The following RYK variants were observed in gnomAD, a reference collection of about 807,000 sequenced individuals.
RYK encodes inactive tyrosine-protein kinase RYK.
In RYK, 21 loss-of-function variants were observed where a neutral mutation model predicts 70.2. That is an observed-to-expected ratio of 0.30 (90% CI 0.21 to 0.43). The LOEUF (loss-of-function observed/expected upper bound fraction) is 0.43. Ranked by LOEUF, RYK falls within the 20% of genes least tolerant of loss-of-function variation. The probability of loss-of-function intolerance (pLI) is 1.00; values close to 1 mark genes in which losing one functional copy is unlikely to be tolerated. For synonymous variants in RYK, 267 were observed against 278.0 expected (o/e 0.96, Z 0.39); for missense variants, 604 against 753.3 (o/e 0.80, Z 2.32).
intron 6 of RYK, among the ~76,000 whole-genome samples, chr3:134,200,966 G>A (rs1415232739): frequency 6.6e-6 from 1 of 152,218 alleles, no homozygotes; most frequent in African/African-American, 2.4e-5. Flanking sequence ...CATGGAATCT[G>A]AAAGTTATTG....
intron 9 of RYK, among the ~76,000 whole-genome samples, chr3:134,183,850 A>C (rs2013379412): frequency 1.3e-5 from 2 of 152,244 alleles, no homozygotes; most frequent in African/African-American, 2.4e-5. Flanking sequence ...ACTTTTGAAA[A>C]ATGAGATATG....
intron 7 of RYK, among the ~76,000 whole-genome samples, chr3:134,194,118 T>C (rs1292936659): frequency 4.6e-5 from 7 of 152,198 alleles, no homozygotes; most frequent in Non-Finnish European, 1.0e-4. Context: ...GATTTTCTAA[T>C]TATATAATTT....
chr3:134,211,861 G>C lies in RYK; in HGVS notation c.355-254C>G, dbSNP rs148062274. Among the ~76,000 whole-genome samples the C allele has an allele frequency of 3.9e-3, 599 of 152,228 alleles. 2 individuals carry two copies. The highest frequency in any genetic ancestry group is 6.7e-3 in the Non-Finnish European group (459 of 68,012). On this transcript the variant is annotated intron_variant, in intron 2 of 14. Transcript: ENST00000623711. Reference sequence around the variant, plus strand: ...CTCTTCCATAAAACCTGCCATCTAGGGTCAGAAATCCTGCTGAGAACTATG... The same window carrying C: ...CTCTTCCATAAAACCTGCCATCTAGCGTCAGAAATCCTGCTGAGAACTATG...
intron 13 of RYK, among the ~76,000 whole-genome samples, chr3:134,172,394 T>C (rs1448557233): frequency 2.0e-5 from 3 of 152,222 alleles, no homozygotes; most frequent in Admixed American, 6.5e-5. Flanking sequence ...CAATTCCTCC[T>C]GTCCCCTTTC....
At chr3:134,180,277 G>A (rs1419705974) in intron 10 of RYK, 2 of 152,238 alleles carry the variant, frequency 1.3e-5, no homozygotes, top group Non-Finnish European at 1.5e-5. Flanking sequence ...ATTAAAATAG[G>A]TTAATATCTT....
intron 2 of RYK, among the ~76,000 whole-genome samples, chr3:134,221,196 C>CT (rs71139519): frequency 0.011 from 846 of 78,592 alleles, 113 homozygotes; most frequent in African/African-American, 0.018. Flanking sequence ...AGTTCTTTTT[C>CT]TTTTTTTTTT....
intron 2 of RYK, among the ~76,000 whole-genome samples, chr3:134,220,366 T>A (rs2014697911): frequency 6.6e-6 from 1 of 152,196 alleles, no homozygotes; most frequent in Non-Finnish European, 1.5e-5. Flanking sequence ...GATCATTGTA[T>A]TTTGGTTGTA....
rs748716502 is a variant in RYK, at chr3:134,159,270, C to T, written c.1679G>A (p.Arg560Gln). Residue 560 changes from arginine (R) to glutamine (Q), a missense_variant, in exon 14 of 15, where the codon CGA (arginine) becomes CAA (glutamine). Around this residue, in one of 2 missense-constraint regions of RYK, gnomAD observed 138 missense variants for 217.4 expected, o/e 0.63. Transcript: ENST00000623711. ...EMAAYLKDGYRIAQPINCPDE... is the reference protein window; with the variant it reads ...EMAAYLKDGYQIAQPINCPDE... ...AGGACAGTTGATTGGCTGGGCTATTCGGTAACCATCTTTCAGGTATGCGGC... is the reference window on the plus strand; with the variant it reads ...AGGACAGTTGATTGGCTGGGCTATTTGGTAACCATCTTTCAGGTATGCGGC... The T allele has an allele frequency of 4.7e-5, 76 of 1,613,708 alleles. No individual in the cohort carries two copies. The highest frequency in any genetic ancestry group is 5.7e-5 in the Non-Finnish European group (67 of 1,179,840).
intron 6 of RYK, chr3:134,195,434 G>A (rs1362159876): frequency 2.9e-6 from 1 of 347,500 alleles, no homozygotes; most frequent in Non-Finnish European, 5.2e-6. Flanking sequence ...GTAGGTACTA[G>A]TGCTCAGACA....
rs2013078293 is a variant in RYK, at chr3:134,175,733, T to C, written c.1451A>G (p.Asn484Ser). ...DDTLQVKITD[N>S]ALSRDLFPMD... ...GGGGAACAAGTCTCTGGAGAGGGCA[T>C]TGTCTGTGATCTTAACTTGAAGTGT... Residue 484 changes from asparagine (N) to serine (S), a missense_variant, in exon 13 of 15, where the codon AAT becomes AGT. This residue lies in a region of RYK where 138 missense variants were observed against 217.4 expected (regional missense o/e 0.63). Transcript: ENST00000623711. 7 of 1,613,838 alleles carry C rather than the reference T, an allele frequency of 4.3e-6. No individual in the cohort carries two copies. The Admixed American group carries it at 5.0e-5, about 12-fold the overall frequency.
At chr3:134,242,629 G>A (rs1275666134) in intron 1 of RYK, among the ~76,000 whole-genome samples, 2 of 152,186 alleles carry the variant, frequency 1.3e-5, no homozygotes, top group African/African-American at 2.4e-5. Context: ...AGATTTTTCA[G>A]AACATTGGCG....
Position 134,192,345 on chromosome 3 carries a change from T to C in RYK, c.890-371A>G, listed in dbSNP as rs572487239. 1.6e-3 allele frequency among the ~76,000 whole-genome samples: 240 copies of C among 152,228 alleles called. 1 individual carries two copies. Among genetic ancestry groups the C allele is most frequent in the Middle Eastern group, 3.4e-3 (1 of 294 alleles). On this transcript the variant is annotated intron_variant, in intron 7 of 14. Transcript: ENST00000623711. Reference sequence around the variant, plus strand: ...TTTTCTCCCAAAAGGTTTTCTAATATAGTCTCATAACACACCAACTTTTCA... The same window carrying C: ...TTTTCTCCCAAAAGGTTTTCTAATACAGTCTCATAACACACCAACTTTTCA...
At chr3:134,245,846 A>G (rs1343618184) in intron 1 of RYK, among the ~76,000 whole-genome samples, 10 of 152,152 alleles carry the variant, frequency 6.6e-5, no homozygotes, top group East Asian at 3.9e-4. Context: ...CAGACTCCCA[A>G]TGAAAAGTCC....
At chr3:134,246,327 CACACACACACACACACAGAG>C in intron 1 of RYK, among the ~76,000 whole-genome samples, 1 of 145,398 alleles carries the variant, frequency 6.9e-6, no homozygotes, top group African/African-American at 2.6e-5. Context: ...CACACACACA[CACACACACACACACACAGAG>C]AGAGAGAAAA....
intron 13 of RYK, 86 bp from the exon 14 acceptor site, chr3:134,159,459 A>G (rs769310929): frequency 7.7e-7 from 1 of 1,298,546 alleles, no homozygotes; most frequent in Non-Finnish European, 1.0e-6. Context: ...AGGACAAAAA[A>G]TAACAGCTCA....
intron 5 of RYK, 62 bp from the exon 6 acceptor site, chr3:134,202,936 A>G (rs776822587): frequency 7.5e-7 from 1 of 1,332,702 alleles, no homozygotes; most frequent in Non-Finnish European, 1.1e-6. Flanking sequence ...TTGTGACCCA[A>G]TATACATAAA....
intron 5 of RYK, 96 bp from the exon 6 acceptor site, chr3:134,202,970 G>T: frequency 1.0e-6 from 1 of 956,400 alleles, no homozygotes; most frequent in Non-Finnish European, 1.6e-6. Flanking sequence ...CTTTTCATGT[G>T]CCCATTCTTT....
intron 13 of RYK, among the ~76,000 whole-genome samples, chr3:134,163,924 T>C (rs1478748878): frequency 1.3e-5 from 2 of 152,234 alleles, no homozygotes; most frequent in African/African-American, 4.8e-5. Flanking sequence ...TCTGGGGTGC[T>C]TGCTAAAAAG....
At chr3:134,213,907 G>A (rs1576524324) in intron 2 of RYK, among the ~76,000 whole-genome samples, 2 of 152,086 alleles carry the variant, frequency 1.3e-5, no homozygotes, top group South Asian at 2.1e-4. Context: ...GGGTTCAAGC[G>A]ATTCTCCTGC....
Sources: gnomAD v4.1 joint callset for allele counts (sites outside exome capture counted in the v4.1 genomes callset) on GRCh38, gnomAD v4.1.1 for gene constraint, gnomAD v4.1.1 regional missense constraint, MANE v1.5 for transcripts, NCBI Gene and HGNC (gene_info 2026-07-23, HGNC 2026-07-21) for gene names.